The following FRMD4B variants were observed in gnomAD, a reference collection of about 807,000 sequenced individuals.
FRMD4B encodes the protein FERM domain containing 4B.
A neutral mutation model predicts 141.5 loss-of-function variants in FRMD4B; 74 were observed. The observed-to-expected ratio is 0.52, with a 90% CI of 0.43 to 0.63. The LOEUF is 0.63. FRMD4B is among the 30% of genes least tolerant of loss of function. FRMD4B has a pLI of 0.00. For synonymous variants in FRMD4B, 506 were observed against 467.9 expected (o/e 1.08, Z -1.05); for missense variants, 1,366 against 1,253.4 (o/e 1.09, Z -1.36).
chr3:69,469,490 A>C (rs1354248435), intron 1 of FRMD4B, among the ~76,000 whole-genome samples: 1 of 152,202 alleles, frequency 6.6e-6, no homozygotes, highest in Non-Finnish European at 1.5e-5. Flanking sequence ...GGATCTCAGC[A>C]ATCAGCAATA....
intron 5 of FRMD4B, among the ~76,000 whole-genome samples, chr3:69,250,418 GA>G (rs2093456591): frequency 6.6e-6 from 1 of 152,122 alleles, no homozygotes; most frequent in African/African-American, 2.4e-5. Context: ...ACTTCTAAAT[GA>G]AAAATTTTTA....
At chr3:69,333,441 A>G (rs936815104) in intron 1 of FRMD4B, among the ~76,000 whole-genome samples, 7 of 152,214 alleles carry the variant, frequency 4.6e-5, no homozygotes, top group African/African-American at 1.7e-4. Context: ...GATCACCCCC[A>G]GATTTCCATG....
chr3:69,499,439 G>T (rs573778135), intron 1 of FRMD4B, among the ~76,000 whole-genome samples: 1 of 152,166 alleles, frequency 6.6e-6, no homozygotes, highest in African/African-American at 2.4e-5. Context: ...AGAGAAATGG[G>T]TGAATTTGGG....
intron 1 of FRMD4B, among the ~76,000 whole-genome samples, chr3:69,511,798 C>A (rs943059790): frequency 1.3e-5 from 2 of 152,200 alleles, no homozygotes; most frequent in African/African-American, 4.8e-5. Flanking sequence ...GCTCTCCCTG[C>A]CTATTCTTAC....
intron 4 of FRMD4B, among the ~76,000 whole-genome samples, chr3:69,295,279 T>C (rs1395140593): frequency 1.3e-5 from 2 of 152,080 alleles, no homozygotes; most frequent in African/African-American, 4.8e-5. Context: ...GGTGGGGGTG[T>C]TTACCAATGC....
intron 1 of FRMD4B, among the ~76,000 whole-genome samples, chr3:69,478,349 T>C (rs899431961): frequency 2.0e-5 from 3 of 152,242 alleles, no homozygotes; most frequent in African/African-American, 7.2e-5. Flanking sequence ...TTTAGTGCTA[T>C]GAATTTCCCT....
At chr3:69,334,723 C>T (rs1009457189) in intron 1 of FRMD4B, among the ~76,000 whole-genome samples, 1 of 152,132 alleles carries the variant, frequency 6.6e-6, no homozygotes, top group Admixed American at 6.6e-5. Flanking sequence ...AATCTTAGCT[C>T]CACTGCTTTA....
intron 1 of FRMD4B, among the ~76,000 whole-genome samples, chr3:69,496,519 C>G (rs1009751281): frequency 6.6e-6 from 1 of 151,564 alleles, no homozygotes; most frequent in African/African-American, 2.4e-5. Flanking sequence ...TTTAGACGTA[C>G]AAGACTATAA....
At chr3:69,209,600 AGAACTGGTTCTTATTT>A (rs2093056566) in intron 11 of FRMD4B, among the ~76,000 whole-genome samples, 1 of 152,200 alleles carries the variant, frequency 6.6e-6, no homozygotes, top group Non-Finnish European at 1.5e-5. Context: ...GTGGAAATGC[AGAACTGGTTCTTATTT>A]CAAATCCATG....
chr3:69,338,415 C>T (rs984455187), intron 1 of FRMD4B, among the ~76,000 whole-genome samples: 10 of 152,034 alleles, frequency 6.6e-5, no homozygotes, highest in African/African-American at 1.2e-4. Flanking sequence ...ATGTAACAAA[C>T]CTGCACGTTG....
chr3:69,375,602 T>C (rs1703951968), intron 1 of FRMD4B, among the ~76,000 whole-genome samples: 1 of 152,182 alleles, frequency 6.6e-6, no homozygotes, highest in African/African-American at 2.4e-5. Context: ...TTCCATCCAA[T>C]ATTTTTTGAG....
intron 1 of FRMD4B, among the ~76,000 whole-genome samples, chr3:69,540,082 A>G (rs1701148941): frequency 6.6e-6 from 1 of 152,146 alleles, no homozygotes; most frequent in Non-Finnish European, 1.5e-5. Context: ...AATCCCAGCT[A>G]CAAGGGAGGT....
chr3:69,420,303 A>C (rs535530429), intron 2 of FRMD4B, among the ~76,000 whole-genome samples: 19 of 151,882 alleles, frequency 1.3e-4, no homozygotes, highest in South Asian at 8.3e-4. Flanking sequence ...AAAAAAAAAA[A>C]AACAACCAAA....
rs373177936 is a variant in FRMD4B, at chr3:69,492,407, C to T, written c.-129+49799G>A. On this transcript the variant is annotated intron_variant, in intron 1 of 5. Coordinates refer to the FRMD4B transcript ENST00000459638. ...GTAAAATTATTAGCTAAACAGAAAA[C>T]CAGCATTCTAACCTGAGCAGGTCTC... 2.0e-5 allele frequency among the ~76,000 whole-genome samples: 3 copies of T among 152,268 alleles called. No individual in the cohort carries two copies. The East Asian group carries it at 5.8e-4, about 29-fold the overall frequency.
intron 11 of FRMD4B, 113 bp downstream of exon 11, chr3:69,216,150 T>C (rs1476156077): frequency 2.2e-5 from 11 of 508,882 alleles, no homozygotes; most frequent in Middle Eastern, 2.8e-4. Flanking sequence ...TGAGACTCCA[T>C]CTCAAAAAAA....
chr3:69,244,820 G>A (rs1417166985), intron 7 of FRMD4B, among the ~76,000 whole-genome samples: 5 of 152,286 alleles, frequency 3.3e-5, no homozygotes, highest in African/African-American at 1.2e-4. Flanking sequence ...CTTGAACCCA[G>A]GAGGTGGAGG....
chr3:69,441,626 C>T (rs1705345836), intron 1 of FRMD4B, among the ~76,000 whole-genome samples: 1 of 152,142 alleles, frequency 6.6e-6, no homozygotes. Flanking sequence ...GACCTTGCTG[C>T]CTTGTTCTTT....
chr3:69,296,570 A>T (rs192726362), intron 4 of FRMD4B, among the ~76,000 whole-genome samples: 2 of 152,292 alleles, frequency 1.3e-5, no homozygotes, highest in East Asian at 3.9e-4. Flanking sequence ...GGTATTGTGC[A>T]TTCAGATGCG....
chr3:69,251,690 C>T (rs1030735368), intron 5 of FRMD4B, among the ~76,000 whole-genome samples: 5 of 152,204 alleles, frequency 3.3e-5, no homozygotes, highest in African/African-American at 1.2e-4. Context: ...TCAAAGCTCG[C>T]CCATAATCTC....
Sources: gnomAD v4.1 joint callset for allele counts (sites outside exome capture counted in the v4.1 genomes callset) on GRCh38, gnomAD v4.1.1 for gene constraint, MANE v1.5 for transcripts, NCBI Gene and HGNC (gene_info 2026-07-23, HGNC 2026-07-21) for gene names.